GLIS3: variants seen among roughly 807,000 people sequenced by gnomAD.
GLIS3 encodes GLIS family zinc finger 3.
In GLIS3, 53 loss-of-function variants were observed where a neutral mutation model predicts 78.6. The ratio of observed to expected loss-of-function variants is 0.67; its 90% CI spans 0.54 to 0.85. The LOEUF is 0.85. GLIS3 is among the 40% of genes least tolerant of loss of function. The probability of loss-of-function intolerance (pLI) is 0.00; values close to 1 mark genes in which losing one functional copy is unlikely to be tolerated. For synonymous variants in GLIS3, 684 were observed against 509.9 expected (o/e 1.34, Z -4.60); for missense variants, 1,703 against 1,231.1 (o/e 1.38, Z -5.74).
Position 3,954,254 on chromosome 9 carries a change from C to T in GLIS3, c.1711-17065G>A, listed in dbSNP as rs1249452235. ...CCAGGGAGAAATCTATGGTTTGTCA[C>T]TTAACACAACTGTAGAGCTGCAAAT... On this transcript the variant is annotated intron_variant, in intron 4 of 10. Coordinates refer to ENST00000381971, the MANE Select transcript of GLIS3 (RefSeq NM_001042413.2). Among the ~76,000 whole-genome samples the T allele has an allele frequency of 2.0e-5, 3 of 152,332 alleles. No homozygotes were observed. In the East Asian group the frequency reaches 5.8e-4, roughly 29 times the overall value.
chr9:4,196,870 C>T (rs1407680763), intron 2 of GLIS3, among the ~76,000 whole-genome samples: 1 of 152,196 alleles, frequency 6.6e-6, no homozygotes, highest in African/African-American at 2.4e-5. Flanking sequence ...AACCAATCTG[C>T]ATGTGTCCTT....
the GLIS3 span, among the ~76,000 whole-genome samples, chr9:4,476,159 T>G: frequency 6.6e-6 from 1 of 152,220 alleles, no homozygotes; most frequent in Non-Finnish European, 1.5e-5. Flanking sequence ...AAGGGATGAA[T>G]GTAATCCACT....
intron 6 of GLIS3, among the ~76,000 whole-genome samples, chr9:3,899,541 A>G (rs1823130598): frequency 6.6e-6 from 1 of 152,178 alleles, no homozygotes; most frequent in Admixed American, 6.5e-5. Context: ...AAAACAATGT[A>G]AGATTTAGTG....
chr9:4,458,052 C>G, the GLIS3 span, among the ~76,000 whole-genome samples: 1 of 152,122 alleles, frequency 6.6e-6, no homozygotes, highest in Non-Finnish European at 1.5e-5. Context: ...CACCAACCCA[C>G]AGGATAGCAG....
the GLIS3 span, among the ~76,000 whole-genome samples, chr9:4,465,538 G>A: frequency 6.6e-6 from 1 of 152,054 alleles, no homozygotes; most frequent in African/African-American, 2.4e-5. Flanking sequence ...GACAGAGTGA[G>A]ACTCCGACTC....
chr9:4,205,114 T>C (rs1037544626), intron 2 of GLIS3, among the ~76,000 whole-genome samples: 4 of 146,708 alleles, frequency 2.7e-5, no homozygotes, highest in African/African-American at 1.0e-4. Context: ...AGGTGCAGAA[T>C]GCAGTGAGCT....
chr9:4,111,040 A>G (rs1485678751), intron 4 of GLIS3, among the ~76,000 whole-genome samples: 1 of 152,164 alleles, frequency 6.6e-6, no homozygotes, highest in East Asian at 1.9e-4. Flanking sequence ...TGCCAAACAA[A>G]TTTTCCACAC....
At chr9:4,339,645 T>C (rs1300028545) in intron 2 of GLIS3, among the ~76,000 whole-genome samples, 8 of 148,966 alleles carry the variant, frequency 5.4e-5, no homozygotes, top group Non-Finnish European at 8.9e-5. Flanking sequence ...AGACTTTTCA[T>C]TGAGCAAAGT....
intron 4 of GLIS3, among the ~76,000 whole-genome samples, chr9:3,950,050 C>T (rs1161190552): frequency 1.3e-5 from 2 of 152,232 alleles, no homozygotes; most frequent in Non-Finnish European, 2.9e-5. Flanking sequence ...TCACTGCCTG[C>T]TCTCTATTCA....
At chr9:4,420,683 G>A in the GLIS3 span, among the ~76,000 whole-genome samples, 12 of 152,090 alleles carry the variant, frequency 7.9e-5, no homozygotes, top group South Asian at 2.1e-4. Context: ...AAGAAGCATG[G>A]GGCCCCAGTG....
chr9:4,429,191 T>C, the GLIS3 span, among the ~76,000 whole-genome samples: 2 of 152,158 alleles, frequency 1.3e-5, no homozygotes, highest in Non-Finnish European at 2.9e-5. Context: ...ATGAAGGAAA[T>C]TTTATCATGT....
intron 4 of GLIS3, among the ~76,000 whole-genome samples, chr9:3,956,106 C>G (rs1395632686): frequency 6.6e-6 from 1 of 151,088 alleles, no homozygotes; most frequent in Non-Finnish European, 1.5e-5. Flanking sequence ...TTACATTGTC[C>G]ATGAAAAAAA....
At chr9:4,424,356 C>T in the GLIS3 span, among the ~76,000 whole-genome samples, 3 of 152,100 alleles carry the variant, frequency 2.0e-5, no homozygotes, top group Non-Finnish European at 4.4e-5. Context: ...CTTTTAAGCC[C>T]TCTTGAAGCT....
At chr9:3,885,196 T>C (rs1052671215) in intron 7 of GLIS3, among the ~76,000 whole-genome samples, 1 of 152,202 alleles carries the variant, frequency 6.6e-6, no homozygotes, top group Non-Finnish European at 1.5e-5. Flanking sequence ...TAGAGGCATA[T>C]TGATCCACTG....
At chr9:4,070,288 G>A (rs540388689) in intron 4 of GLIS3, among the ~76,000 whole-genome samples, 256 of 152,218 alleles carry the variant, frequency 1.7e-3, no homozygotes, top group South Asian at 2.5e-3. Context: ...ATGATTTAAT[G>A]GATAATGACT....
chr9:4,053,635 TAAAA>T (rs569983327), intron 4 of GLIS3, among the ~76,000 whole-genome samples: 1 of 96,366 alleles, frequency 1.0e-5, no homozygotes, highest in Non-Finnish European at 2.1e-5. Context: ...TGCTCAAGGC[TAAAA>T]AAAAAAAAAA....
At chr9:4,280,166 C>G (rs1827416173) in intron 2 of GLIS3, among the ~76,000 whole-genome samples, 1 of 152,142 alleles carries the variant, frequency 6.6e-6, no homozygotes, top group Admixed American at 6.5e-5. Context: ...TCAACAGGCA[C>G]ATGCCAACAC....
upstream of GLIS3, among the ~76,000 whole-genome samples, chr9:4,302,623 A>G (rs1378632597): frequency 6.6e-6 from 1 of 152,262 alleles, no homozygotes; most frequent in Non-Finnish European, 1.5e-5. Context: ...ACTTAGAAGC[A>G]AAGAAGTTGA....
chr9:4,023,365 A>T (rs1341000934), intron 4 of GLIS3, among the ~76,000 whole-genome samples: 1 of 152,132 alleles, frequency 6.6e-6, no homozygotes, highest in Non-Finnish European at 1.5e-5. Context: ...GCTATTTTTT[A>T]TTGTTTTCCA....
Sources: gnomAD v4.1 joint callset for allele counts (sites outside exome capture counted in the v4.1 genomes callset) on GRCh38, gnomAD v4.1.1 for gene constraint, MANE v1.5 for transcripts, NCBI Gene and HGNC (gene_info 2026-07-23, HGNC 2026-07-21) for gene names.